Variants in SIRPA observed in about 807,000 individuals in gnomAD.
The protein encoded by SIRPA is signal regulatory protein alpha, also known as tyrosine-protein phosphatase non-receptor type substrate 1.
SIRPA carries 9 observed loss-of-function variants against 50.3 expected under a neutral mutation model. That is an observed-to-expected ratio of 0.18 (90% CI 0.11 to 0.31). SIRPA has a LOEUF of 0.31. Ranked by LOEUF, SIRPA falls within the 10% of genes least tolerant of loss-of-function variation. The pLI, the probability that SIRPA is intolerant of heterozygous loss-of-function variation, is 1.00. For synonymous variants in SIRPA, 265 were observed against 284.1 expected, an observed-to-expected ratio of 0.93 and a Z score of 0.68; for missense variants, 474 against 661.6, an observed-to-expected ratio of 0.72 and a Z score of 3.11.
At chr20:1,922,717 T>A in intron 4 of SIRPA, 72 bp downstream of exon 4, 1 of 1,452,346 alleles carries the variant, frequency 6.9e-7, no homozygotes. Flanking sequence ...ATGTTAAAAG[T>A]AGTAATTCAT....
At position 1,932,443 on chromosome 20, in the gene SIRPA, C is replaced by T. The variant is rs1421383909; in HGVS notation, c.1227-2272C>T. On this transcript the variant is annotated intron_variant, in intron 6 of 7. Coordinates refer to ENST00000358771, the MANE Select transcript of SIRPA (RefSeq NM_001040023.2). The surrounding 1 kb of genome is among the most constrained non-coding windows in gnomAD (Gnocchi z 6.0). Reference sequence around the variant, plus strand: ...AACAGCCAGTGCCAAGACCCTGAGACGGGAGCAGTCAGATGCATGCACAGA... The same window carrying T: ...AACAGCCAGTGCCAAGACCCTGAGATGGGAGCAGTCAGATGCATGCACAGA... Among the ~76,000 whole-genome samples, 2 of 152,106 alleles carry T rather than the reference C, an allele frequency of 1.3e-5. No homozygotes were observed. The highest frequency in any genetic ancestry group is 4.8e-5 in the African/African-American group (2 of 41,410).
chr20:1,904,123 C>A (rs2024870), intron 1 of SIRPA, among the ~76,000 whole-genome samples: 34,477 of 152,000 alleles, frequency 0.23, 4,272 homozygotes, highest in Admixed American at 0.28. Context: ...CAGTCCCCCC[C>A]CTGCAGCCAG....
At chr20:1,899,518 G>T (rs147493410) in intron 1 of SIRPA, among the ~76,000 whole-genome samples, 1 of 152,156 alleles carries the variant, frequency 6.6e-6, no homozygotes, top group Non-Finnish European at 1.5e-5. Flanking sequence ...TTTGGTAAAC[G>T]GTTTTCTACA....
intron 2 of SIRPA, among the ~76,000 whole-genome samples, chr20:1,919,310 C>G (rs189565286): frequency 6.6e-6 from 1 of 152,344 alleles, no homozygotes; most frequent in Admixed American, 6.5e-5. Context: ...CCAGAAGATT[C>G]TAATACAGAG....
Position 1,924,698 on chromosome 20 carries a change from A to T in SIRPA, c.1088-66A>T. On this transcript the variant is annotated intron_variant, in intron 4 of 7. Transcript: ENST00000358771. The surrounding 1 kb of genome is among the most constrained non-coding windows in gnomAD (Gnocchi z 4.5). Reference sequence around the variant, plus strand: ...TGATGCCTGCTTAGTGGTGAAAAGCAGTGGTGGGTTTGGTTTTCTGTTTTT... The same window carrying T: ...TGATGCCTGCTTAGTGGTGAAAAGCTGTGGTGGGTTTGGTTTTCTGTTTTT... The T allele has an allele frequency of 7.7e-7, 1 of 1,292,666 alleles. No individual in the cohort carries two copies. Among genetic ancestry groups the T allele is most frequent in the Non-Finnish European group, 1.1e-6 (1 of 891,188 alleles). The allele number at this position is 1,292,666 out of a possible 1,614,324, so 80.1% of individuals were successfully genotyped here.
Position 1,921,582 on chromosome 20 carries a change from C to T in SIRPA, c.624C>T (p.Ser208=). ...CCGTAGGAGAGAGCGTGTCCTACAG[C>T]ATCCACAGCACAGCCAAGGTGGTGC... ...VDPVGESVSY[S]IHSTAKVVLT... Residue 208 remains serine (S), a synonymous_variant, in exon 3 of 8, where the codon AGC becomes AGT. Coordinates refer to ENST00000358771, the MANE Select transcript of SIRPA (RefSeq NM_001040023.2). The T allele has an allele frequency of 3.1e-6, 5 of 1,614,230 alleles. No homozygotes were observed. The highest frequency in any genetic ancestry group is 4.2e-6 in the Non-Finnish European group (5 of 1,180,048).
In SIRPA at chr20:1,922,314, T is replaced by C. The variant is rs764112431; in HGVS notation, c.756T>C (p.Val252=). The change falls in exon 4 of 8, where the codon GTT becomes GTC. Residue 252 remains valine, a splice_region_variant and synonymous_variant. Coordinates refer to ENST00000358771, the MANE Select transcript of SIRPA (RefSeq NM_001040023.2). ...GTANLSETIR[V]PPTLEVTQQP... The stretch of plus-strand genomic sequence containing the variant: ...AGCTTCTGCCCTGTGCTGTTTCAGT[T>C]CCACCCACCTTGGAGGTTACTCAAC... 30 of 1,613,816 alleles carry C rather than the reference T, an allele frequency of 1.9e-5. No individual in the cohort carries two copies. The highest frequency in any genetic ancestry group is 2.5e-5 in the Non-Finnish European group (30 of 1,179,856).
At chr20:1,915,030 A>G (rs1225463471) in intron 1 of SIRPA, 69 bp from the exon 2 acceptor site, 5 of 1,235,352 alleles carry the variant, frequency 4.0e-6, no homozygotes, top group South Asian at 1.4e-5. Flanking sequence ...AACGTCATTG[A>G]TAAACACTTG....
Position 1,936,353 on chromosome 20 carries a change from G to T in SIRPA, c.1267-967G>T, listed in dbSNP as rs1010218111. Among the ~76,000 whole-genome samples, 11 of 152,306 alleles carry T rather than the reference G, an allele frequency of 7.2e-5. No homozygotes were observed. The highest frequency in any genetic ancestry group is 7.2e-4 in the Admixed American group (11 of 15,300). On this transcript the variant is annotated intron_variant, in intron 7 of 7. Transcript: ENST00000358771. The surrounding 1 kb of genome is among the most constrained non-coding windows in gnomAD (Gnocchi z 4.2). Reference sequence around the variant, plus strand: ...AAGACAGATGCTCAATAGGTACCAGGCTCTGTTCTAAACGCTTTACCTGGA... The same window carrying T: ...AAGACAGATGCTCAATAGGTACCAGTCTCTGTTCTAAACGCTTTACCTGGA...
chr20:1,915,414 T>C lies in SIRPA; in HGVS notation c.395T>C (p.Val132Ala), dbSNP rs114499682. 528,843 of 1,441,054 alleles carry C rather than the reference T, an allele frequency of 0.37. 120,270 individuals are homozygous for C. Among genetic ancestry groups the C allele is most frequent in the East Asian group, 0.66 (28,918 of 43,820 alleles). 89.3% of individuals were successfully genotyped at this position (1,441,054 alleles called of 1,614,324 possible). A position where few individuals can be genotyped will look rare whatever the true frequency, so the allele number is the denominator to read the frequency against. ...TTCCGGAAAGGGAGCCCCGATGACG[T>C]GGAGTTTAAGTCTGGAGCAGGCACT... ...VKFRKGSPDD[V>A]EFKSGAGTEL... Residue 132 changes from valine to alanine, a missense_variant, in exon 2 of 8, where the codon GTG (valine) becomes GCG (alanine). Physicochemically the swap from Val to Ala is moderately conservative, Grantham distance 64 (BLOSUM62 0). Coordinates refer to ENST00000358771, the MANE Select transcript of SIRPA (RefSeq NM_001040023.2).
rs1381450852 is a variant in SIRPA, at chr20:1,928,458, ATG to A, written c.1226+562_1226+563del. Among the ~76,000 whole-genome samples, 3 of 152,300 alleles carry A rather than the reference ATG, an allele frequency of 2.0e-5. No homozygotes were observed. The East Asian group carries it at 5.8e-4, about 29-fold the overall frequency. The stretch of plus-strand genomic sequence containing the variant: ...ATTTTTAGTGACTTGAGTCCCTACT[ATG>A]TGCCAGCCCTGCTCAGGACCAGCTG... On this transcript the variant is annotated intron_variant, in intron 6 of 7. Transcript: ENST00000358771. The surrounding 1 kb of genome is among the most constrained non-coding windows in gnomAD (Gnocchi z 4.9).
Position 1,937,870 on chromosome 20 carries a change from G to A in SIRPA, c.*302G>A, listed in dbSNP as rs554772670. On this transcript the variant is annotated 3_prime_UTR_variant, in exon 8 of 8. Transcript: ENST00000358771. This position sits in a 1 kb window ranked among gnomAD's most constrained non-coding sequence, Gnocchi z 8.3. ...GGGGTCCAAGAACTCTTGTGCCTCC[G>A]TCCATCACCATGTGGGTTTTGAAGA... is the stretch of plus-strand genomic sequence containing the variant. The A allele has an allele frequency of 1.6e-4, 65 of 416,418 alleles. 1 individual carries two copies. The South Asian group carries it at 1.9e-3, about 12-fold the overall frequency. The allele number at this position is 416,418 out of a possible 1,614,324, so 25.8% of individuals were successfully genotyped here. A position where few individuals can be genotyped will look rare whatever the true frequency, so the allele number is the denominator to read the frequency against.
chr20:1,927,859 T>G lies in SIRPA; in HGVS notation c.1202-16T>G. On this transcript the variant is annotated splice_polypyrimidine_tract_variant and intron_variant, in intron 5 of 7. Coordinates refer to ENST00000358771, the MANE Select transcript of SIRPA (RefSeq NM_001040023.2). The surrounding 1 kb of genome is among the most constrained non-coding windows in gnomAD (Gnocchi z 6.5). ...TTCTAGTTAAACAACTGGCTTTTGT[T>G]TCTTTTGTCTTTCAGCCCAGGGCTC... is the stretch of plus-strand genomic sequence containing the variant. 1 of 1,613,762 alleles carries G rather than the reference T, an allele frequency of 6.2e-7. No individual in the cohort carries two copies. Among genetic ancestry groups the G allele is most frequent in the South Asian group, 1.1e-5 (1 of 91,076 alleles).
intron 6 of SIRPA, among the ~76,000 whole-genome samples, chr20:1,931,710 T>C (rs1986308402): frequency 6.6e-6 from 1 of 152,106 alleles, no homozygotes; most frequent in Non-Finnish European, 1.5e-5. Flanking sequence ...CACTTTGAGC[T>C]CAAGGGGTTC....
At chr20:1,915,668 A>G (rs907114705) in intron 2 of SIRPA, among the ~76,000 whole-genome samples, 6 of 152,204 alleles carry the variant, frequency 3.9e-5, no homozygotes, top group African/African-American at 1.4e-4. Context: ...GAACATCTGC[A>G]TCCTTCATCT....
chr20:1,899,606 A>G (rs1568492238), intron 1 of SIRPA, among the ~76,000 whole-genome samples: 1 of 151,852 alleles, frequency 6.6e-6, no homozygotes, highest in East Asian at 1.9e-4. Flanking sequence ...CCCTCCCTGT[A>G]CCTCCTTGTC....
At chr20:1,903,967 G>C (rs551409246) in intron 1 of SIRPA, among the ~76,000 whole-genome samples, 1 of 152,284 alleles carries the variant, frequency 6.6e-6, no homozygotes, top group African/African-American at 2.4e-5. Flanking sequence ...GGCCTCCCAG[G>C]ACCTCAGCAC....
intron 2 of SIRPA, among the ~76,000 whole-genome samples, chr20:1,920,934 T>C (rs1985609678): frequency 6.6e-6 from 1 of 152,260 alleles, no homozygotes; most frequent in Non-Finnish European, 1.5e-5. Context: ...AGGCCGCCCC[T>C]CTCATGGGCT....
In SIRPA at chr20:1,927,861, C is replaced by A. The variant is rs764873469; in HGVS notation, c.1202-14C>A. On this transcript the variant is annotated splice_polypyrimidine_tract_variant and intron_variant, in intron 5 of 7. Transcript: ENST00000358771. This position sits in a 1 kb window ranked among gnomAD's most constrained non-coding sequence, Gnocchi z 6.5. The stretch of plus-strand genomic sequence containing the variant: ...CTAGTTAAACAACTGGCTTTTGTTT[C>A]TTTTGTCTTTCAGCCCAGGGCTCCA... 2 of 1,613,744 alleles carry A rather than the reference C, an allele frequency of 1.2e-6. No homozygotes were observed. Among genetic ancestry groups the A allele is most frequent in the Non-Finnish European group, 1.7e-6 (2 of 1,179,640 alleles).
Sources: allele counts gnomAD v4.1 joint callset (sites outside exome capture counted in the v4.1 genomes callset), GRCh38; gene constraint gnomAD v4.1.1; non-coding constraint Gnocchi (gnomAD v3.1); transcripts MANE v1.5; gene names NCBI Gene and HGNC (gene_info 2026-07-23, HGNC 2026-07-21).